The following ZFPM2 variants were observed in gnomAD, a reference collection of about 807,000 sequenced individuals.
The protein encoded by ZFPM2 is zinc finger protein ZFPM2.
In ZFPM2, 20 loss-of-function variants were observed where a neutral mutation model predicts 98.6. That is an observed-to-expected ratio of 0.20 (90% confidence interval 0.14 to 0.29). ZFPM2 has a LOEUF of 0.29. ZFPM2 is among the 10% of genes least tolerant of loss of function. The pLI, the probability that ZFPM2 is intolerant of heterozygous loss-of-function variation, is 1.00. For missense variants in ZFPM2, 1,310 were observed against 1,388.6 expected (o/e 0.94, Z 0.90); for synonymous variants, 518 against 502.7 (o/e 1.03, Z -0.41).
chr8:105,649,386 G>A (rs909549694), intron 5 of ZFPM2, among the ~76,000 whole-genome samples: 2 of 152,078 alleles, frequency 1.3e-5, no homozygotes, highest in African/African-American at 2.4e-5. Context: ...TCTCCTGCCT[G>A]ATTGCCCTGG....
chr8:105,790,533 C>T (rs1044108564), intron 6 of ZFPM2, among the ~76,000 whole-genome samples: 3 of 151,632 alleles, frequency 2.0e-5, no homozygotes, highest in Non-Finnish European at 4.4e-5. Context: ...AGCGTGATGC[C>T]TCCAGCTTTG....
At chr8:105,341,566 A>C (rs757173152) in intron 1 of ZFPM2, among the ~76,000 whole-genome samples, 1 of 151,936 alleles carries the variant, frequency 6.6e-6, no homozygotes, top group Non-Finnish European at 1.5e-5. Flanking sequence ...GATATATGCA[A>C]TATTAACACA....
At chr8:105,352,801 A>G (rs1812673462) in intron 1 of ZFPM2, among the ~76,000 whole-genome samples, 2 of 151,996 alleles carry the variant, frequency 1.3e-5, no homozygotes, top group Admixed American at 1.3e-4. Context: ...AAATGTTAAC[A>G]TTTAACATTT....
intron 3 of ZFPM2, among the ~76,000 whole-genome samples, chr8:105,539,146 A>C (rs117841246): frequency 0.015 from 2,354 of 152,264 alleles, 28 homozygotes; most frequent in East Asian, 0.067. Context: ...CTCCTACCTC[A>C]AAGAGATAGT....
chr8:105,776,797 GA>G (rs1372907452), intron 5 of ZFPM2, among the ~76,000 whole-genome samples: 1 of 152,162 alleles, frequency 6.6e-6, no homozygotes, highest in Non-Finnish European at 1.5e-5. Flanking sequence ...ACTAACTACT[GA>G]AGTTGGAAGC....
At chr8:105,374,984 C>T (rs140980492) in intron 1 of ZFPM2, among the ~76,000 whole-genome samples, 248 of 152,196 alleles carry the variant, frequency 1.6e-3, no homozygotes, top group Non-Finnish European at 3.0e-3. Flanking sequence ...CAAACCAAAG[C>T]TGTCAAGTCC....
At chr8:105,763,907 G>A (rs1812795345) in intron 5 of ZFPM2, among the ~76,000 whole-genome samples, 1 of 151,826 alleles carries the variant, frequency 6.6e-6, no homozygotes, top group African/African-American at 2.4e-5. Flanking sequence ...AGAACATGTA[G>A]AGCCTACCTA....
chr8:105,742,012 T>C (rs1298312276), intron 5 of ZFPM2, among the ~76,000 whole-genome samples: 1 of 151,876 alleles, frequency 6.6e-6, no homozygotes, highest in East Asian at 1.9e-4. Context: ...AAGGTGATAA[T>C]ATTGGATTTG....
intron 1 of ZFPM2, among the ~76,000 whole-genome samples, chr8:105,374,914 C>T (rs1810693756): frequency 6.6e-6 from 1 of 151,812 alleles, no homozygotes; most frequent in Admixed American, 6.6e-5. Context: ...TTCAGAACCT[C>T]TAACTTCCAT....
At chr8:105,354,416 TTC>T (rs1330049830) in intron 1 of ZFPM2, among the ~76,000 whole-genome samples, 3 of 152,230 alleles carry the variant, frequency 2.0e-5, no homozygotes, top group Non-Finnish European at 4.4e-5. Context: ...ATAAAAAATG[TTC>T]TGTTTAAACA....
rs564842448 is a variant in ZFPM2 at position 105,325,766 on chromosome 8, C to A, written c.40+6785C>A. Among the ~76,000 whole-genome samples, 10 of 151,792 alleles carry A rather than the reference C, an allele frequency of 6.6e-5. No homozygotes were observed. In the South Asian group the frequency reaches 2.1e-3, roughly 31 times the overall value. On this transcript the variant is annotated intron_variant, in intron 1 of 7. Transcript: ENST00000407775. ...TGTCTGAGAGGGTGTCATACCGTTA[C>A]TGTCAGGCCGTCTTTTTGAGATGAC...
At chr8:105,532,711 A>T (rs1586440610) in intron 3 of ZFPM2, among the ~76,000 whole-genome samples, 2 of 152,050 alleles carry the variant, frequency 1.3e-5, no homozygotes, top group Admixed American at 1.3e-4. Context: ...TGATTGTTAC[A>T]TGTAGATCTT....
intron 5 of ZFPM2, among the ~76,000 whole-genome samples, chr8:105,650,086 C>T (rs1817138423): frequency 6.6e-6 from 1 of 152,092 alleles, no homozygotes; most frequent in African/African-American, 2.4e-5. Flanking sequence ...TTCAACTTCT[C>T]CGAAGACTAA....
intron 1 of ZFPM2, among the ~76,000 whole-genome samples, chr8:105,343,043 T>G (rs896043206): frequency 4.6e-5 from 7 of 152,092 alleles, no homozygotes; most frequent in Admixed American, 2.6e-4. Context: ...TTTACTATGG[T>G]TCAGTGGGAA....
At chr8:105,653,214 A>G (rs1232101643) in intron 5 of ZFPM2, among the ~76,000 whole-genome samples, 2 of 152,190 alleles carry the variant, frequency 1.3e-5, no homozygotes, top group African/African-American at 4.8e-5. Flanking sequence ...TAAGTTACCT[A>G]TCTCAGGACA....
intron 4 of ZFPM2, among the ~76,000 whole-genome samples, chr8:105,594,911 G>T (rs369955676): frequency 6.6e-6 from 1 of 152,048 alleles, no homozygotes; most frequent in African/African-American, 2.4e-5. Flanking sequence ...GAGAGAATCA[G>T]ATACATAAAC....
At chr8:105,607,849 C>G (rs1816226736) in intron 4 of ZFPM2, among the ~76,000 whole-genome samples, 1 of 152,030 alleles carries the variant, frequency 6.6e-6, no homozygotes, top group Non-Finnish European at 1.5e-5. Context: ...ATATCCTTAC[C>G]TGGAGGAATA....
chr8:105,441,482 G>GAAAGAAAGAAAGAGAAAA (rs1812246360), intron 2 of ZFPM2, among the ~76,000 whole-genome samples: 1 of 85,404 alleles, frequency 1.2e-5, no homozygotes, highest in African/African-American at 7.8e-5. Context: ...AAGAAAGAAA[G>GAAAGAAAGAAAGAGAAAA]AAAGAAAGAA....
intron 1 of ZFPM2, 66 bp downstream of exon 1, chr8:105,319,047 G>C (rs1811967105): frequency 6.9e-7 from 1 of 1,451,428 alleles, no homozygotes; most frequent in African/African-American, 1.5e-5. Flanking sequence ...CGCGGGACGG[G>C]AAAGCGGTGG....
Sources: allele counts gnomAD v4.1 joint callset (sites outside exome capture counted in the v4.1 genomes callset), GRCh38; gene constraint gnomAD v4.1.1; transcripts MANE v1.5; gene names NCBI Gene and HGNC (gene_info 2026-07-23, HGNC 2026-07-21).